HYDIN: variants seen among roughly 807,000 people sequenced by gnomAD.
HYDIN encodes the protein HYDIN axonemal central pair apparatus protein, also known as axonemal central pair apparatus protein HYDIN.
HYDIN carries 132 observed loss-of-function variants against 403.9 expected under a neutral mutation model. The observed-to-expected ratio is 0.33, with a 90% CI of 0.28 to 0.38. HYDIN has a LOEUF of 0.38. Ranked by LOEUF, HYDIN falls within the 10% of genes least tolerant of loss-of-function variation. The probability of loss-of-function intolerance (pLI) is 1.00; values close to 1 mark genes in which losing one functional copy is unlikely to be tolerated. For synonymous variants in HYDIN, 1,202 were observed against 1,891.7 expected, an observed-to-expected ratio of 0.64 and a Z score of 9.46; for missense variants, 2,827 against 5,009.5, an observed-to-expected ratio of 0.56 and a Z score of 13.15.
At chr16:70,932,252 C>T (rs1316880055) in intron 45 of HYDIN, among the ~76,000 whole-genome samples, 4 of 150,932 alleles carry the variant, frequency 2.7e-5, no homozygotes, top group South Asian at 4.2e-4. Context: ...CTACCCGGGA[C>T]GCTGAGGCAG....
chr16:71,228,745 T>C (rs1002911666), intron 1 of HYDIN, among the ~76,000 whole-genome samples: 1 of 152,226 alleles, frequency 6.6e-6, no homozygotes, highest in Admixed American at 6.5e-5. Context: ...GAAGACAGTG[T>C]GGCAATTCCC....
At chr16:70,964,929 C>T in intron 36 of HYDIN, 33 bp from the exon 37 acceptor site, 3 of 1,609,726 alleles carry the variant, frequency 1.9e-6, no homozygotes, top group Non-Finnish European at 2.5e-6. Context: ...TCCTGTTGGT[C>T]TCACTAGAAA....
intron 41 of HYDIN, among the ~76,000 whole-genome samples, chr16:70,950,911 C>T (rs1486964656): frequency 2.0e-5 from 3 of 152,162 alleles, no homozygotes; most frequent in African/African-American, 7.2e-5. Context: ...CTCTCCACTC[C>T]TGAATGGGAG....
chr16:71,145,445 G>T (rs949508629), intron 7 of HYDIN, among the ~76,000 whole-genome samples: 20 of 152,050 alleles, frequency 1.3e-4, no homozygotes, highest in African/African-American at 4.8e-4. Flanking sequence ...AGTAGAGATG[G>T]GGTTTCACCA....
intron 1 of HYDIN, among the ~76,000 whole-genome samples, chr16:71,220,532 G>A (rs2089143809): frequency 1.3e-5 from 2 of 152,164 alleles, no homozygotes; most frequent in African/African-American, 4.8e-5. Flanking sequence ...AAATATTTAA[G>A]TCACTAGTCT....
At chr16:71,020,892 A>G (rs1239689388) in intron 21 of HYDIN, among the ~76,000 whole-genome samples, 1 of 149,848 alleles carries the variant, frequency 6.7e-6, no homozygotes, top group Non-Finnish European at 1.5e-5. Flanking sequence ...CACAGATTAG[A>G]TTTTTTTACC....
intron 27 of HYDIN, among the ~76,000 whole-genome samples, chr16:70,986,308 A>G (rs940252637): frequency 1.3e-5 from 2 of 150,852 alleles, no homozygotes; most frequent in African/African-American, 4.9e-5. Context: ...TAGCAGGCCC[A>G]ATAACCACAA....
intron 18 of HYDIN, among the ~76,000 whole-genome samples, chr16:71,037,035 C>T (rs937847929): frequency 2.8e-4 from 42 of 150,440 alleles, no homozygotes; most frequent in Non-Finnish European, 1.6e-4. Flanking sequence ...GGAGGGAGGG[C>T]GCTGAAGGAA....
intron 1 of HYDIN, among the ~76,000 whole-genome samples, chr16:71,215,055 GCAAGGAAACTATCA>G (rs2088808133): frequency 1.3e-5 from 2 of 152,192 alleles, no homozygotes; most frequent in Admixed American, 1.3e-4. Flanking sequence ...ATGCCTGAAA[GCAAGGAAACTATCA>G]CAGACTGTAC....
At chr16:70,840,325 G>A (rs574867805) in intron 75 of HYDIN, 92 bp from the exon 76 acceptor site, 2 of 1,185,564 alleles carry the variant, frequency 1.7e-6, no homozygotes, top group South Asian at 2.8e-5. Context: ...AGCAGTTGGT[G>A]CTTTAACAAA....
chr16:71,129,571 C>A (rs1463034018), intron 9 of HYDIN, 69 bp downstream of exon 9: 1 of 1,439,312 alleles, frequency 6.9e-7, no homozygotes, highest in East Asian at 2.3e-5. Context: ...CAAGTGAGCG[C>A]TCTTATCAAA....
At chr16:70,888,016 G>A (rs2041246710) in intron 58 of HYDIN, among the ~76,000 whole-genome samples, 1 of 152,134 alleles carries the variant, frequency 6.6e-6, no homozygotes, top group Non-Finnish European at 1.5e-5. Flanking sequence ...TGTTCCCTCT[G>A]TGTTGTTGAG....
chr16:70,850,060 T>C (rs544761065), intron 74 of HYDIN, 113 bp from the exon 75 acceptor site: 2 of 609,504 alleles, frequency 3.3e-6, no homozygotes, highest in Admixed American at 2.7e-5. Context: ...TGGCAGATGA[T>C]GTTGGTGATT....
At chr16:71,203,987 C>T in intron 1 of HYDIN, 1 of 321,104 alleles carries the variant, frequency 3.1e-6, no homozygotes, top group Non-Finnish European at 6.1e-6. Flanking sequence ...ATGGCTTGAG[C>T]CTGAGAAGCA....
Position 70,883,010 on chromosome 16 carries a change from C to T in HYDIN, c.9980-115G>A, listed in dbSNP as rs1798436. 4.3e-4 allele frequency: 343 copies of T among 805,854 alleles called. 3 individuals are homozygous for T. In the South Asian group the frequency reaches 4.4e-3, roughly 10 times the overall value. 49.9% of individuals were successfully genotyped at this position (805,854 alleles called of 1,614,324 possible). A position where few individuals can be genotyped will look rare whatever the true frequency, so the allele number is the denominator to read the frequency against. On this transcript the variant is annotated intron_variant, in intron 59 of 85. Coordinates refer to ENST00000393567, the MANE Select transcript of HYDIN (RefSeq NM_001270974.2). ...AGGAGAATTGTGGAGGACACATAGG[C>T]GAAGTCATGCAAGGGGGTGTGAGGG...
intron 75 of HYDIN, among the ~76,000 whole-genome samples, chr16:70,841,586 G>A (rs2037825431): frequency 6.6e-6 from 1 of 152,082 alleles, no homozygotes. Flanking sequence ...ATTGGGAAGT[G>A]GGACTTTTAA....
chr16:71,108,051 G>A (rs901592655), intron 10 of HYDIN, among the ~76,000 whole-genome samples: 11 of 152,118 alleles, frequency 7.2e-5, no homozygotes, highest in Non-Finnish European at 1.2e-4. Context: ...ATCATCCCTA[G>A]CAAACTAATG....
rs771667425 is a variant in HYDIN, at chr16:71,175,784, A to G, written c.382-43T>C. 1.9e-6 allele frequency: 3 copies of G among 1,607,646 alleles called. No individual in the cohort carries two copies. The African/African-American group carries it at 4.0e-5, about 21-fold the overall frequency. ...ATGATGAACATCGTGCATGTGAAAA[A>G]GCAGAGTTAAACACAGACTGAAATC... On this transcript the variant is annotated intron_variant, in intron 4 of 85. Coordinates refer to ENST00000393567, the MANE Select transcript of HYDIN (RefSeq NM_001270974.2).
chr16:71,170,698 G>A (rs979365961), intron 5 of HYDIN, among the ~76,000 whole-genome samples: 19 of 152,098 alleles, frequency 1.2e-4, no homozygotes, highest in Non-Finnish European at 2.8e-4. Context: ...CTACTGACTG[G>A]ATATGTAATG....
Sources: allele counts gnomAD v4.1 joint callset (sites outside exome capture counted in the v4.1 genomes callset), GRCh38; gene constraint gnomAD v4.1.1; transcripts MANE v1.5; gene names NCBI Gene and HGNC (gene_info 2026-07-23, HGNC 2026-07-21).